The following NIPSNAP1 variants were observed in gnomAD, a reference collection of about 807,000 sequenced individuals.
NIPSNAP1 encodes nipsnap homolog 1.
In NIPSNAP1, 25 loss-of-function variants were observed where a neutral mutation model predicts 49.2. The ratio of observed to expected loss-of-function variants is 0.51; its 90% CI spans 0.37 to 0.71. The LOEUF is 0.71. Among genes scored for constraint, NIPSNAP1 ranks in the 30% least tolerant of loss-of-function variants. The pLI is 0.00. For missense variants in NIPSNAP1, 294 were observed against 361.0 expected, an observed-to-expected ratio of 0.81 and a Z score of 1.50; for synonymous variants, 143 against 140.7, an observed-to-expected ratio of 1.02 and a Z score of -0.12.
In NIPSNAP1 at chr22:29,581,106, A is replaced by G. The variant is rs2064495776; in HGVS notation, c.-24T>C. 6.5e-7 allele frequency: 1 copy of G among 1,537,984 alleles called. No homozygotes were observed. Among genetic ancestry groups the G allele is most frequent in the East Asian group, 2.5e-5 (1 of 40,666 alleles). On this transcript the variant is annotated 5_prime_UTR_variant, in exon 1 of 10. Transcript: ENST00000216121. ...ATGTTGGAGCCGCAAAGGTTGCAGG[A>G]AGGCCCCGCCCCCAAGCCCTGGTGG...
At position 29,561,372 on chromosome 22, in the gene NIPSNAP1, T is replaced by C. The variant is rs181346731; in HGVS notation, c.579+134A>G. 1,736 of 1,433,956 alleles carry C rather than the reference T, an allele frequency of 1.2e-3. 1 individual carries two copies. Among genetic ancestry groups the C allele is most frequent in the Admixed American group, 2.2e-3 (134 of 59,578 alleles). The allele number at this position is 1,433,956 out of a possible 1,614,324, so 88.8% of individuals were successfully genotyped here. On this transcript the variant is annotated intron_variant, in intron 6 of 9. Coordinates refer to ENST00000216121, the MANE Select transcript of NIPSNAP1 (RefSeq NM_003634.4). ...CACCTGGTGTGCATGTTTGCACACA[T>C]GTGTATACAACTCTGCTCTGAGCCC...
Position 29,569,199 on chromosome 22 carries a change from G to A in NIPSNAP1, c.361C>T (p.Gln121Ter). The A allele has an allele frequency of 6.2e-7, 1 of 1,613,912 alleles. No individual in the cohort carries two copies. Among genetic ancestry groups the A allele is most frequent in the Non-Finnish European group, 8.5e-7 (1 of 1,179,868 alleles). ...AGGGAGGTGAGCGCCTTACCTGCCTGGTCCTGCTCCCCATACCACGTGTTC... is the reference window on the plus strand; with the variant it reads ...AGGGAGGTGAGCGCCTTACCTGCCTAGTCCTGCTCCCCATACCACGTGTTC... ...NWNTWYGEQD[Q>*]AVHLWRFSGG... The change falls in exon 4 of 10, where the codon CAG becomes TAG. Residue 121 changes from glutamine to a stop codon, truncating the protein, a stop_gained. Transcript: ENST00000216121. LOFTEE classifies it high-confidence loss of function.
Position 29,578,452 on chromosome 22 carries a change from G to A in NIPSNAP1, c.98+2533C>T, listed in dbSNP as rs1216983679. On this transcript the variant is annotated intron_variant, in intron 1 of 9. Coordinates refer to ENST00000216121, the MANE Select transcript of NIPSNAP1 (RefSeq NM_003634.4). ...CTACCGAAGTGTTGGGATTACAGGC[G>A]TGAGCAATGGTGCCTGGCCCAGGTC... Among the ~76,000 whole-genome samples the A allele has an allele frequency of 4.0e-5, 6 of 151,210 alleles. No homozygotes were observed. The South Asian group carries it at 6.2e-4, about 16-fold the overall frequency.
chr22:29,559,259 G>A (rs568445863), intron 8 of NIPSNAP1, among the ~76,000 whole-genome samples: 3 of 152,208 alleles, frequency 2.0e-5, no homozygotes, highest in Admixed American at 6.5e-5. Flanking sequence ...TAACACTTCC[G>A]GCTAGGTGCG....
Position 29,569,206 on chromosome 22 carries a change from C to G in NIPSNAP1, c.354G>C (p.Glu118Asp). ...TGAGCGCCTTACCTGCCTGGTCCTG[C>G]TCCCCATACCACGTGTTCCAGTTGC... ...LVGNWNTWYG[E>D]QDQAVHLWRF... The change falls in exon 4 of 10, where the codon GAG (glutamate) becomes GAC (aspartate). Residue 118 changes from glutamate to aspartate, a missense_variant. Transcript: ENST00000216121. 6.2e-7 allele frequency: 1 copy of G among 1,614,030 alleles called. No individual in the cohort carries two copies. The highest frequency in any genetic ancestry group is 8.5e-7 in the Non-Finnish European group (1 of 1,179,958).
Position 29,558,246 on chromosome 22 carries a change from G to A in NIPSNAP1, c.790+624C>T, listed in dbSNP as rs58223030. ...GCACTTTGGGAGGCCGAGGCAGGCG[G>A]ATCACCTGAGGTCAGGAGTTCGAGA... On this transcript the variant is annotated intron_variant, in intron 9 of 9. Transcript: ENST00000216121. Among the ~76,000 whole-genome samples the A allele has an allele frequency of 7.4e-3, 1,126 of 152,252 alleles. 15 individuals carry two copies. Among genetic ancestry groups the A allele is most frequent in the African/African-American group, 0.026 (1,077 of 41,526 alleles).
intron 4 of NIPSNAP1, among the ~76,000 whole-genome samples, chr22:29,563,431 G>A (rs1203226544): frequency 6.6e-6 from 1 of 152,108 alleles, no homozygotes; most frequent in African/African-American, 2.4e-5. Context: ...GGAGGCTGAG[G>A]CAAGAGAATC....
intron 9 of NIPSNAP1, among the ~76,000 whole-genome samples, chr22:29,556,349 A>G (rs1015595777): frequency 2.0e-5 from 3 of 151,994 alleles, no homozygotes; most frequent in African/African-American, 2.4e-5. Context: ...ACATGGAGAA[A>G]CCCTCTCTCT....
Position 29,560,763 on chromosome 22 carries a change from C to G in NIPSNAP1, c.677G>C (p.Gly226Ala), listed in dbSNP as rs767337911. 7 of 1,614,110 alleles carry G rather than the reference C, an allele frequency of 4.3e-6. No individual in the cohort carries two copies. The highest frequency in any genetic ancestry group is 5.9e-6 in the Non-Finnish European group (7 of 1,180,042). ...GAGATGGTGCACCACGTAGAGCTCT[C>G]CTATCTGTGAGAAGAAGCCGCCCAC... Reference protein sequence around the residue: ...EAVGGFFSQIGELYVVHHLWA... With the variant: ...EAVGGFFSQIAELYVVHHLWA... Residue 226 changes from glycine to alanine, a missense_variant, in exon 8 of 10, where the codon GGA becomes GCA. By Grantham distance (60) the Gly-to-Ala change is moderately conservative. This residue lies in a region of NIPSNAP1 where 146 missense variants were observed against 219.9 expected (regional missense o/e 0.66). Coordinates refer to ENST00000216121, the MANE Select transcript of NIPSNAP1 (RefSeq NM_003634.4).
At chr22:29,566,158 TTC>T (rs202113460) in intron 4 of NIPSNAP1, among the ~76,000 whole-genome samples, 1 of 56,100 alleles carries the variant, frequency 1.8e-5, no homozygotes, top group African/African-American at 1.0e-4. Context: ...AAATCTTTTC[TTC>T]TTTTTTTTTT....
chr22:29,573,611 A>T (rs975064533), intron 1 of NIPSNAP1, among the ~76,000 whole-genome samples: 2 of 152,062 alleles, frequency 1.3e-5, no homozygotes, highest in African/African-American at 4.8e-5. Flanking sequence ...TCTACTAAAA[A>T]TACAAAATTA....
intron 1 of NIPSNAP1, among the ~76,000 whole-genome samples, chr22:29,578,977 A>G (rs1192191718): frequency 6.6e-6 from 1 of 151,330 alleles, no homozygotes; most frequent in Non-Finnish European, 1.5e-5. Flanking sequence ...CCTCAACATT[A>G]TGTGGGTCAC....
chr22:29,568,688 A>T (rs373866520), intron 4 of NIPSNAP1, among the ~76,000 whole-genome samples: 3 of 152,200 alleles, frequency 2.0e-5, no homozygotes, highest in East Asian at 3.9e-4. Context: ...GCTACTCAGG[A>T]GGCTGAGACA....
chr22:29,570,311 G>A, intron 2 of NIPSNAP1, 94 bp downstream of exon 2: 1 of 1,607,144 alleles, frequency 6.2e-7, no homozygotes, highest in Non-Finnish European at 8.5e-7. Flanking sequence ...GGACAGCTGA[G>A]GACATTCCAG....
chr22:29,563,991 A>C (rs1246472356), intron 4 of NIPSNAP1, among the ~76,000 whole-genome samples: 1 of 152,192 alleles, frequency 6.6e-6, no homozygotes, highest in Non-Finnish European at 1.5e-5. Flanking sequence ...ATTTTAAGCC[A>C]CCCAGTTTGC....
chr22:29,563,563 T>C (rs1225634418), intron 4 of NIPSNAP1, among the ~76,000 whole-genome samples: 2 of 151,820 alleles, frequency 1.3e-5, no homozygotes, highest in Non-Finnish European at 2.9e-5. Context: ...TAAATAAAAA[T>C]CATATTATCT....
intron 9 of NIPSNAP1, among the ~76,000 whole-genome samples, chr22:29,556,964 G>C (rs2064299082): frequency 1.3e-5 from 2 of 151,756 alleles, no homozygotes; most frequent in African/African-American, 2.4e-5. Context: ...GGTCAGGCTG[G>C]TCTTGAACTC....
chr22:29,567,185 G>A (rs1469990014), intron 4 of NIPSNAP1, among the ~76,000 whole-genome samples: 1 of 152,050 alleles, frequency 6.6e-6, no homozygotes, highest in Non-Finnish European at 1.5e-5. Context: ...TGGACAGTGT[G>A]GGTCTGAATT....
intron 8 of NIPSNAP1, among the ~76,000 whole-genome samples, chr22:29,560,308 C>T (rs1388789590): frequency 1.3e-5 from 2 of 150,418 alleles, no homozygotes; most frequent in African/African-American, 4.9e-5. Context: ...AGTGCAATGG[C>T]GTGATCTCAG....
Sources: gnomAD v4.1 joint callset for allele counts (sites outside exome capture counted in the v4.1 genomes callset) on GRCh38, gnomAD v4.1.1 for gene constraint, gnomAD v4.1.1 regional missense constraint, MANE v1.5 for transcripts, NCBI Gene and HGNC (gene_info 2026-07-23, HGNC 2026-07-21) for gene names.